NELL1: variants seen among roughly 807,000 people sequenced by gnomAD.
NELL1 encodes neural EGFL like 1.
Under a neutral mutation model 107.4 loss-of-function variants are expected in NELL1, and 76 were observed. The ratio of observed to expected loss-of-function variants is 0.71; its 90% CI spans 0.59 to 0.86. NELL1 has a LOEUF of 0.86. NELL1 is among the 40% of genes least tolerant of loss of function. The probability of loss-of-function intolerance (pLI) is 0.00; values close to 1 mark genes in which losing one functional copy is unlikely to be tolerated. For missense variants in NELL1, 1,024 were observed against 1,005.5 expected, an observed-to-expected ratio of 1.02 and a Z score of -0.25; for synonymous variants, 353 against 341.2, an observed-to-expected ratio of 1.03 and a Z score of -0.38.
At chr11:20,985,811 T>G (rs11025858) in intron 12 of NELL1, among the ~76,000 whole-genome samples, 2 of 152,160 alleles carry the variant, frequency 1.3e-5, no homozygotes, top group Non-Finnish European at 2.9e-5. Flanking sequence ...TGTGCTGTAC[T>G]TTTTTTATGG....
intron 15 of NELL1, among the ~76,000 whole-genome samples, chr11:21,439,748 A>G (rs1853230727): frequency 6.6e-6 from 1 of 152,048 alleles, no homozygotes. Flanking sequence ...ATCCGCATAG[A>G]GTTTTCATCT....
At position 21,370,889 on chromosome 11, in the gene NELL1, G is replaced by T. The variant is rs748765720; in HGVS notation, c.1586G>T (p.Cys529Phe). ...CEEGCRYGGT[C>F]VAPNKCVCPS... ...GAGGGCTGCAGATACGGTGGAACGTGTGTGGCTCCCAACAAATGTGTCTGT... is the reference window on the plus strand; with the variant it reads ...GAGGGCTGCAGATACGGTGGAACGTTTGTGGCTCCCAACAAATGTGTCTGT... Residue 529 changes from cysteine (C) to phenylalanine (F), a missense_variant, in exon 15 of 20, where the codon TGT becomes TTT. Coordinates refer to ENST00000357134, the MANE Select transcript of NELL1 (RefSeq NM_006157.5). 3 of 1,611,784 alleles carry T rather than the reference G, an allele frequency of 1.9e-6. No homozygotes were observed. The highest frequency in any genetic ancestry group is 2.2e-5 in the East Asian group (1 of 44,742).
chr11:20,693,416 A>G (rs1854524659), intron 2 of NELL1, among the ~76,000 whole-genome samples: 1 of 152,068 alleles, frequency 6.6e-6, no homozygotes, highest in African/African-American at 2.4e-5. Context: ...ATTTTGCAGC[A>G]GCTGGTACCG....
At chr11:21,008,873 T>G (rs72939972) in intron 12 of NELL1, among the ~76,000 whole-genome samples, 4,866 of 152,234 alleles carry the variant, frequency 0.032, 134 homozygotes, top group Middle Eastern at 0.12. Flanking sequence ...AAGTAGAATT[T>G]AACATGGAGG....
intron 13 of NELL1, among the ~76,000 whole-genome samples, chr11:21,160,444 T>C (rs1257060534): frequency 6.6e-6 from 1 of 152,192 alleles, no homozygotes; most frequent in Non-Finnish European, 1.5e-5. Context: ...TAAATCCCTG[T>C]TCAGTGTGGG....
intron 2 of NELL1, among the ~76,000 whole-genome samples, chr11:20,753,455 C>A (rs1287734894): frequency 6.6e-6 from 1 of 152,022 alleles, no homozygotes; most frequent in Non-Finnish European, 1.5e-5. Flanking sequence ...CTTTTTGAAC[C>A]CTGGAAGGTG....
intron 2 of NELL1, among the ~76,000 whole-genome samples, chr11:20,697,797 C>G (rs1410726991): frequency 6.6e-6 from 1 of 152,068 alleles, no homozygotes; most frequent in Non-Finnish European, 1.5e-5. Flanking sequence ...GAGGTGGCAC[C>G]TGAACAGACC....
intron 11 of NELL1, among the ~76,000 whole-genome samples, chr11:20,953,885 C>A (rs1219515247): frequency 6.6e-6 from 1 of 152,180 alleles, no homozygotes; most frequent in Middle Eastern, 3.2e-3. Flanking sequence ...AAGACAGTCA[C>A]CCCTGCTAGA....
intron 2 of NELL1, among the ~76,000 whole-genome samples, chr11:20,771,445 A>G (rs568176010): frequency 6.6e-6 from 1 of 152,292 alleles, no homozygotes; most frequent in Admixed American, 6.5e-5. Flanking sequence ...TAAACCAACT[A>G]AATTACTTGT....
chr11:21,318,203 A>G (rs1849923450), intron 14 of NELL1, among the ~76,000 whole-genome samples: 1 of 152,298 alleles, frequency 6.6e-6, no homozygotes, highest in African/African-American at 2.4e-5. Context: ...TGTACTGTAA[A>G]GAGAATTTCT....
chr11:21,351,802 T>C (rs80323507), intron 14 of NELL1, among the ~76,000 whole-genome samples: 5,924 of 152,252 alleles, frequency 0.039, 140 homozygotes, highest in Admixed American at 0.086. Context: ...CAAGTTCTAT[T>C]TTTCTTAACA....
At chr11:21,046,166 A>G (rs1338806245) in intron 12 of NELL1, among the ~76,000 whole-genome samples, 1 of 152,188 alleles carries the variant, frequency 6.6e-6, no homozygotes, top group African/African-American at 2.4e-5. Flanking sequence ...AAGAGAAAAA[A>G]TGTTTTGAGC....
intron 2 of NELL1, among the ~76,000 whole-genome samples, chr11:20,753,766 G>A (rs956803068): frequency 6.6e-6 from 1 of 152,108 alleles, no homozygotes; most frequent in African/African-American, 2.4e-5. Context: ...CCATCTCTTT[G>A]CTCCACTCTG....
At chr11:21,029,590 T>A (rs1852903249) in intron 12 of NELL1, among the ~76,000 whole-genome samples, 1 of 152,138 alleles carries the variant, frequency 6.6e-6, no homozygotes, top group Admixed American at 6.5e-5. Context: ...TAGGGTTGTC[T>A]CTGAAAACTC....
intron 14 of NELL1, among the ~76,000 whole-genome samples, chr11:21,273,725 C>A (rs1472532061): frequency 1.3e-5 from 2 of 152,188 alleles, no homozygotes; most frequent in Non-Finnish European, 1.5e-5. Flanking sequence ...CTCTACAAGC[C>A]AGAGGAGAGT....
chr11:21,204,925 G>A (rs1565109941), intron 13 of NELL1, among the ~76,000 whole-genome samples: 1 of 152,138 alleles, frequency 6.6e-6, no homozygotes, highest in Non-Finnish European at 1.5e-5. Flanking sequence ...GTTTGCCTGG[G>A]TATCACCAGC....
chr11:21,255,202 A>G (rs766044676), intron 14 of NELL1, among the ~76,000 whole-genome samples: 2 of 152,078 alleles, frequency 1.3e-5, no homozygotes, highest in African/African-American at 2.4e-5. Flanking sequence ...TGAGGTTGAC[A>G]TTTATCTTGT....
intron 5 of NELL1, among the ~76,000 whole-genome samples, chr11:20,893,573 T>G (rs1849662582): frequency 6.6e-6 from 1 of 151,360 alleles, no homozygotes; most frequent in Non-Finnish European, 1.5e-5. Context: ...ATCAAAATAA[T>G]AGAAATCATG....
At chr11:21,228,963 T>C (rs1235283558) in intron 13 of NELL1, among the ~76,000 whole-genome samples, 1 of 151,874 alleles carries the variant, frequency 6.6e-6, no homozygotes, top group Admixed American at 6.6e-5. Flanking sequence ...AAACACCCTC[T>C]GACATATCAA....
Sources: gnomAD v4.1 joint callset for allele counts (sites outside exome capture counted in the v4.1 genomes callset) on GRCh38, gnomAD v4.1.1 for gene constraint, MANE v1.5 for transcripts, NCBI Gene and HGNC (gene_info 2026-07-23, HGNC 2026-07-21) for gene names.